The following UNC13B variants were observed in gnomAD, a reference collection of about 807,000 sequenced individuals.
UNC13B encodes the protein unc-13 homolog B, also known as protein unc-13 homolog B.
In UNC13B, 144 loss-of-function variants were observed where a neutral mutation model predicts 211.0. The observed-to-expected ratio is 0.68, with a 90% CI of 0.60 to 0.78. The LOEUF is 0.78. Among genes scored for constraint, UNC13B ranks in the 30% least tolerant of loss-of-function variants. The pLI is 0.00. For missense variants in UNC13B, 1,777 were observed against 2,002.0 expected (o/e 0.89, Z 2.14); for synonymous variants, 709 against 725.8 (o/e 0.98, Z 0.37).
At chr9:35,402,274 CT>C (rs938787230) in intron 37 of UNC13B, among the ~76,000 whole-genome samples, 17 of 147,288 alleles carry the variant, frequency 1.2e-4, no homozygotes, top group African/African-American at 3.5e-4. Context: ...GTGGTGTTTT[CT>C]TTTTTTCTTT....
intron 1 of UNC13B, among the ~76,000 whole-genome samples, chr9:35,208,596 C>T (rs1240521488): frequency 6.6e-6 from 1 of 152,198 alleles, no homozygotes; most frequent in Non-Finnish European, 1.5e-5. Context: ...AGACATCTTA[C>T]ATGGCAGAAG....
intron 25 of UNC13B, among the ~76,000 whole-genome samples, 154 bp from the exon 26 acceptor site, chr9:35,390,474 CT>C (rs1375284161): frequency 6.6e-6 from 1 of 152,276 alleles, no homozygotes; most frequent in African/African-American, 2.4e-5. Context: ...CCCCTGGCCC[CT>C]GGGCCCCTTT....
intron 14 of UNC13B, 87 bp downstream of exon 14, chr9:35,375,288 TG>T: frequency 6.9e-7 from 1 of 1,442,940 alleles, no homozygotes. Context: ...TTGGGAATTC[TG>T]GGAATTCAAG....
chr9:35,351,493 G>A (rs1044944772), intron 11 of UNC13B: 1 of 1,232,130 alleles, frequency 8.1e-7, no homozygotes, highest in African/African-American at 1.5e-5. Context: ...ATAAGAGGAA[G>A]AAGCAGAGAA....
At position 35,307,256 on chromosome 9, in the gene UNC13B, G is replaced by A. The variant is rs1243101161; in HGVS notation, c.7852G>A (p.Asp2618Asn). 2.5e-6 allele frequency: 1 copy of A among 398,916 alleles called. No individual in the cohort carries two copies. The highest frequency in any genetic ancestry group is 4.4e-6 in the Non-Finnish European group (1 of 226,088). The allele number at this position is 398,916 out of a possible 1,614,324, so 24.7% of individuals were successfully genotyped here. A position where few individuals can be genotyped will look rare whatever the true frequency, so the allele number is the denominator to read the frequency against. The part of the protein sequence containing the change: ...TINTSSFSGD[D>N]TGQGVLSLSD... ...TAATACATCTTCTTTCTCGGGTGAT[G>A]ATACTGGGCAAGGAGTATTGTCTCT... The change falls in exon 9 of 40, where the codon GAT becomes AAT. Residue 2618 changes from aspartate to asparagine, a missense_variant. Physicochemically the swap from Asp to Asn is conservative, Grantham distance 23. Transcript: ENST00000635942.
chr9:35,299,030 A>G (rs907239446), intron 8 of UNC13B, among the ~76,000 whole-genome samples: 3 of 152,160 alleles, frequency 2.0e-5, no homozygotes, highest in African/African-American at 7.2e-5. Flanking sequence ...TCAGGAGTTC[A>G]AGACCAGCCT....
At chr9:35,228,703 AGTGTGTGTGTGTGTGTGTGTGTGTGT>A (rs56971215) in intron 2 of UNC13B, among the ~76,000 whole-genome samples, 1 of 140,498 alleles carries the variant, frequency 7.1e-6, no homozygotes, top group African/African-American at 2.7e-5. Flanking sequence ...ACATCATGAA[AGTGTGTGTGTGTGTGTGTGTGTGTGT>A]GTGTGTGTGT....
intron 11 of UNC13B, chr9:35,364,645 GTA>G (rs1833658706): frequency 1.3e-5 from 18 of 1,408,668 alleles, no homozygotes; most frequent in South Asian, 5.1e-5. Flanking sequence ...ATGTGTGTGT[GTA>G]TGTGTGTGTG....
intron 1 of UNC13B, among the ~76,000 whole-genome samples, chr9:35,200,089 A>G (rs995400076): frequency 9.9e-5 from 15 of 152,222 alleles, no homozygotes; most frequent in South Asian, 2.1e-4. Flanking sequence ...ACCATTTATT[A>G]AATAGGGAAT....
chr9:35,333,968 T>TG (rs1346330837), intron 11 of UNC13B, among the ~76,000 whole-genome samples: 1 of 151,776 alleles, frequency 6.6e-6, no homozygotes, highest in Non-Finnish European at 1.5e-5. Flanking sequence ...TTGTTTGTTT[T>TG]TTTTTTTGTT....
chr9:35,291,014 T>G (rs956104927), intron 7 of UNC13B: 7 of 1,527,120 alleles, frequency 4.6e-6, no homozygotes, highest in Non-Finnish European at 6.2e-6. Flanking sequence ...ACTTTTGAAT[T>G]CCTTCAAAAA....
intron 11 of UNC13B, chr9:35,351,290 C>G (rs1832702774): frequency 8.4e-7 from 1 of 1,193,466 alleles, no homozygotes; most frequent in Non-Finnish European, 1.0e-6. Context: ...TCCTTTTTCA[C>G]TAGCTACAGG....
In UNC13B at chr9:35,394,572, G is replaced by A. The variant is rs565297476; in HGVS notation, c.11309-1904G>A. Among the ~76,000 whole-genome samples the A allele has an allele frequency of 3.3e-5, 5 of 152,272 alleles. No individual in the cohort carries two copies. In the East Asian group the frequency reaches 9.7e-4, roughly 29 times the overall value. ...GATAGCACCACTGCACTCCACCCTG[G>A]GTGACAGAGCGAGACTCCATCTCAA... On this transcript the variant is annotated intron_variant, in intron 26 of 39. Transcript: ENST00000635942.
At chr9:35,321,043 ATGAACATAAATTTAC>A (rs1344995746) in intron 11 of UNC13B, among the ~76,000 whole-genome samples, 7 of 152,186 alleles carry the variant, frequency 4.6e-5, no homozygotes, top group Admixed American at 6.5e-5. Flanking sequence ...CTTTATATAC[ATGAACATAAATTTAC>A]TGAATTTAGA....
chr9:35,349,029 T>A (rs1193134964), intron 11 of UNC13B, among the ~76,000 whole-genome samples: 1 of 152,170 alleles, frequency 6.6e-6, no homozygotes, highest in Non-Finnish European at 1.5e-5. Context: ...GTGATTCTCT[T>A]GCCTCAGCCT....
chr9:35,385,201 G>C (rs1835112573), intron 22 of UNC13B: 1 of 985,288 alleles, frequency 1.0e-6, no homozygotes, highest in Non-Finnish European at 1.2e-6. Flanking sequence ...AATTCCTAAG[G>C]AACTCACTCC....
At chr9:35,309,643 G>T (rs375515370) in intron 9 of UNC13B, among the ~76,000 whole-genome samples, 1 of 152,146 alleles carries the variant, frequency 6.6e-6, no homozygotes, top group African/African-American at 2.4e-5. Flanking sequence ...CTGGATATGG[G>T]AATACAGGTG....
chr9:35,403,116 T>C, intron 37 of UNC13B, 51 bp from the exon 38 acceptor site: 1 of 1,584,504 alleles, frequency 6.3e-7, no homozygotes, highest in Non-Finnish European at 8.7e-7. Flanking sequence ...CCCCTCAGGT[T>C]TACCTCCTAC....
intron 6 of UNC13B, among the ~76,000 whole-genome samples, chr9:35,252,669 T>G (rs1206839244): frequency 2.0e-5 from 3 of 151,782 alleles, no homozygotes; most frequent in Non-Finnish European, 4.4e-5. Context: ...TAAAAAAAAT[T>G]TTCTCAATCC....
Sources: gnomAD v4.1 joint callset for allele counts (sites outside exome capture counted in the v4.1 genomes callset) on GRCh38, gnomAD v4.1.1 for gene constraint, MANE v1.5 for transcripts, NCBI Gene and HGNC (gene_info 2026-07-23, HGNC 2026-07-21) for gene names.